PHAF1: variants seen among roughly 807,000 people sequenced by gnomAD.
PHAF1 encodes the protein phagophore assembly factor 1.
PHAF1 carries 23 observed loss-of-function variants against 63.1 expected under a neutral mutation model. The observed-to-expected ratio is 0.36, with a 90% CI of 0.26 to 0.52. PHAF1 has a LOEUF of 0.52. PHAF1 is among the 20% of genes least tolerant of loss of function. PHAF1 has a pLI of 0.93. For missense variants in PHAF1, 427 were observed against 517.2 expected (o/e 0.83, Z 1.69); for synonymous variants, 167 against 185.0 (o/e 0.90, Z 0.79).
chr16:67,123,718 T>C (rs1251952527), intron 2 of PHAF1, among the ~76,000 whole-genome samples: 1 of 152,172 alleles, frequency 6.6e-6, no homozygotes, highest in Non-Finnish European at 1.5e-5. Context: ...CTTCTTAAAT[T>C]TGGGTCCTGT....
intron 1 of PHAF1, among the ~76,000 whole-genome samples, chr16:67,110,959 G>A (rs1232759943): frequency 2.6e-5 from 4 of 152,032 alleles, no homozygotes; most frequent in African/African-American, 2.4e-5. Flanking sequence ...TTACAGGCAC[G>A]CGCCACCACA....
At chr16:67,111,607 TA>T (rs1400127836) in intron 1 of PHAF1, among the ~76,000 whole-genome samples, 1 of 152,186 alleles carries the variant, frequency 6.6e-6, no homozygotes, top group Non-Finnish European at 1.5e-5. Flanking sequence ...CTGTGTGTTG[TA>T]AGAGCTAGTT....
rs531767151 is a variant in PHAF1 at position 67,148,288 on chromosome 16, A to G, written c.*1157A>G. 1.3e-5 allele frequency: 2 copies of G among 152,644 alleles called. No individual in the cohort carries two copies. The highest frequency in any genetic ancestry group is 2.9e-5 in the Non-Finnish European group (2 of 68,030). The allele number at this position is 152,644 out of a possible 1,614,324, so 9.5% of individuals were successfully genotyped here. A position where few individuals can be genotyped will look rare whatever the true frequency, so the allele number is the denominator to read the frequency against. On this transcript the variant is annotated 3_prime_UTR_variant, in exon 16 of 16. Coordinates refer to ENST00000219139, the MANE Select transcript of PHAF1 (RefSeq NM_025187.5). Reference sequence around the variant, plus strand: ...CAGGGGACCTGTCTCAGGCTCCTATATGGTTCCTGGGCCTTATAGCCAGGT... The same window carrying G: ...CAGGGGACCTGTCTCAGGCTCCTATGTGGTTCCTGGGCCTTATAGCCAGGT...
chr16:67,136,308 GAA>G (rs574096104), intron 8 of PHAF1: 79 of 131,656 alleles, frequency 6.0e-4, no homozygotes, highest in African/African-American at 2.0e-3. Context: ...CCTTCTCACA[GAA>G]AAAAAAAAAA....
At chr16:67,122,832 G>A (rs925190936) in intron 2 of PHAF1, among the ~76,000 whole-genome samples, 1 of 152,056 alleles carries the variant, frequency 6.6e-6, no homozygotes, top group Non-Finnish European at 1.5e-5. Context: ...AGGCTCAACC[G>A]ATTCTCCTGC....
intron 3 of PHAF1, among the ~76,000 whole-genome samples, chr16:67,129,027 C>A (rs987837375): frequency 1.3e-5 from 2 of 152,148 alleles, no homozygotes; most frequent in African/African-American, 4.8e-5. Flanking sequence ...GAGGTGAGTG[C>A]CTGTGCCTGC....
intron 5 of PHAF1, 135 bp downstream of exon 5, chr16:67,132,660 G>C (rs746907083): frequency 3.3e-6 from 4 of 1,216,324 alleles, no homozygotes; most frequent in Non-Finnish European, 4.9e-6. Flanking sequence ...TGGGTGTGAA[G>C]GAAACATCCT....
chr16:67,127,230 C>T (rs571341848), intron 3 of PHAF1, among the ~76,000 whole-genome samples: 2 of 152,130 alleles, frequency 1.3e-5, no homozygotes, highest in Non-Finnish European at 2.9e-5. Flanking sequence ...TCATGTGACA[C>T]CAGAGTCATG....
chr16:67,127,721 G>A (rs1019116098), intron 3 of PHAF1, among the ~76,000 whole-genome samples: 1 of 151,996 alleles, frequency 6.6e-6, no homozygotes, highest in Non-Finnish European at 1.5e-5. Context: ...GCGTGAACCC[G>A]GGAGGCAGAG....
chr16:67,137,848 G>A (rs1425642146), intron 8 of PHAF1, among the ~76,000 whole-genome samples: 2 of 152,134 alleles, frequency 1.3e-5, no homozygotes, highest in East Asian at 3.9e-4. Flanking sequence ...TGCTTACACT[G>A]TCAGCAGGGC....
intron 1 of PHAF1, among the ~76,000 whole-genome samples, chr16:67,117,126 A>G (rs1962767833): frequency 6.6e-6 from 1 of 150,818 alleles, no homozygotes; most frequent in South Asian, 2.1e-4. Flanking sequence ...TCTGCCTGCC[A>G]GGTTTAAGCA....
intron 14 of PHAF1, 124 bp from the exon 15 acceptor site, chr16:67,146,154 A>T (rs1199293838): frequency 2.2e-6 from 2 of 891,598 alleles, no homozygotes; most frequent in East Asian, 4.8e-5. Context: ...TGTGGGAAAC[A>T]GACAGACACT....
chr16:67,134,890 C>A (rs1963555246), intron 8 of PHAF1: 3 of 353,500 alleles, frequency 8.5e-6, no homozygotes, highest in South Asian at 6.4e-5. Flanking sequence ...TTTAGGGGAA[C>A]AAAAGCATTC....
chr16:67,147,041 C>T lies in PHAF1; in HGVS notation c.1183-4C>T. On this transcript the variant is annotated splice_polypyrimidine_tract_variant and splice_region_variant and intron_variant, in intron 15 of 15. Transcript: ENST00000219139. ...CTTGACCCACTGTCCTCTTCTCACA[C>T]CAGGTCATGCAGAACAACCACATTG... The T allele has an allele frequency of 2.5e-6, 4 of 1,612,848 alleles. No homozygotes were observed. The highest frequency in any genetic ancestry group is 3.4e-6 in the Non-Finnish European group (4 of 1,178,862).
chr16:67,147,262 G>A lies in PHAF1; in HGVS notation c.*131G>A. On this transcript the variant is annotated 3_prime_UTR_variant, in exon 16 of 16. Transcript: ENST00000219139. ...TGAAGGGCTGTTGTGATGTTCTGAGGTTGGGCTCAGGCTGGGTGCTCTGCC... is the reference window on the plus strand; with the variant it reads ...TGAAGGGCTGTTGTGATGTTCTGAGATTGGGCTCAGGCTGGGTGCTCTGCC... The A allele has an allele frequency of 3.4e-6, 3 of 870,220 alleles. No homozygotes were observed. The highest frequency in any genetic ancestry group is 3.6e-6 in the Non-Finnish European group (2 of 557,468). The allele number at this position is 870,220 out of a possible 1,614,324, so 53.9% of individuals were successfully genotyped here.
chr16:67,146,836 T>G (rs2030131888), intron 15 of PHAF1, among the ~76,000 whole-genome samples: 1 of 152,142 alleles, frequency 6.6e-6, no homozygotes, highest in Non-Finnish European at 1.5e-5. Context: ...ACTGGACACG[T>G]GGCCATGGTA....
At chr16:67,144,984 C>G in intron 12 of PHAF1, 107 bp downstream of exon 12, 1 of 1,391,416 alleles carries the variant, frequency 7.2e-7, no homozygotes, top group Non-Finnish European at 1.0e-6. Context: ...AGCTTCTGCC[C>G]ATGGCCTCAG....
intron 15 of PHAF1, 40 bp downstream of exon 15, chr16:67,146,390 T>C: frequency 6.3e-7 from 1 of 1,583,312 alleles, no homozygotes; most frequent in Non-Finnish European, 8.7e-7. Flanking sequence ...GCCTGGGGGG[T>C]TGCTGGTCAT....
chr16:67,137,563 C>A (rs1963656642), intron 8 of PHAF1, among the ~76,000 whole-genome samples: 1 of 152,110 alleles, frequency 6.6e-6, no homozygotes, highest in African/African-American at 2.4e-5. Flanking sequence ...AAGTGATCCG[C>A]CCGCCTCAAC....
Sources: gnomAD v4.1 joint callset for allele counts (sites outside exome capture counted in the v4.1 genomes callset) on GRCh38, gnomAD v4.1.1 for gene constraint, MANE v1.5 for transcripts, NCBI Gene and HGNC (gene_info 2026-07-23, HGNC 2026-07-21) for gene names.